The following TMEM236 variants were observed in gnomAD, a reference collection of about 807,000 sequenced individuals.
The protein encoded by TMEM236 is transmembrane protein 236.
In TMEM236, 11 loss-of-function variants were observed where a neutral mutation model predicts 14.7. That is an observed-to-expected ratio of 0.75 (90% CI 0.47 to 1.24). TMEM236 has a LOEUF of 1.24. Among genes scored for constraint, TMEM236 ranks in the 50% most tolerant of loss-of-function variants. The pLI is 0.00. For synonymous variants in TMEM236, 182 were observed against 168.6 expected (o/e 1.08, Z -0.62); for missense variants, 464 against 427.3 (o/e 1.09, Z -0.76).
At chr10:17,773,451 C>CCTCAG (rs1554834994) in intron 2 of TMEM236, among the ~76,000 whole-genome samples, 1 of 152,106 alleles carries the variant, frequency 6.6e-6, no homozygotes, top group South Asian at 2.1e-4. Flanking sequence ...GATTCTCCTG[C>CCTCAG]CTCAGGCTCC....
At chr10:17,770,941 T>A (rs1554834763) in intron 1 of TMEM236, among the ~76,000 whole-genome samples, 1 of 152,250 alleles carries the variant, frequency 6.6e-6, no homozygotes, top group Admixed American at 6.5e-5. Context: ...TGGGATATAA[T>A]ATAACTTGAA....
At chr10:17,791,291 TAAA>T (rs561313552) in intron 3 of TMEM236, among the ~76,000 whole-genome samples, 7 of 142,500 alleles carry the variant, frequency 4.9e-5, no homozygotes, top group East Asian at 2.1e-4. Flanking sequence ...CTATAAAAAG[TAAA>T]AAAAAAAAAA....
intron 3 of TMEM236, among the ~76,000 whole-genome samples, chr10:17,794,894 G>T (rs1284199117): frequency 1.3e-5 from 2 of 152,110 alleles, no homozygotes; most frequent in African/African-American, 4.8e-5. Context: ...CAGGCATGGT[G>T]GTGTGCACCT....
intron 2 of TMEM236, among the ~76,000 whole-genome samples, chr10:17,773,585 G>A (rs1837610222): frequency 6.6e-6 from 1 of 152,050 alleles, no homozygotes; most frequent in African/African-American, 2.4e-5. Flanking sequence ...TGATCCACCC[G>A]CCTCGGCCTC....
chr10:17,796,513 T>C lies in TMEM236; in HGVS notation c.*9T>C. The C allele has an allele frequency of 6.3e-7, 1 of 1,599,154 alleles. No individual in the cohort carries two copies. Among genetic ancestry groups the C allele is most frequent in the South Asian group, 1.1e-5 (1 of 90,770 alleles). On this transcript the variant is annotated 3_prime_UTR_variant, in exon 4 of 4. Coordinates refer to ENST00000377495, the MANE Select transcript of TMEM236 (RefSeq NM_001098844.3). ...AAATGTCTCCATTTTAAAAAGGAAA[T>C]GGGATCTAGTAAGGCCTCTTTGTGA... is the stretch of plus-strand genomic sequence containing the variant.
chr10:17,785,840 C>G (rs1348174112), intron 3 of TMEM236, among the ~76,000 whole-genome samples: 1 of 151,942 alleles, frequency 6.6e-6, no homozygotes, highest in Non-Finnish European at 1.5e-5. Context: ...TTCCTCTTCT[C>G]AAGAAGTAAG....
At chr10:17,787,734 C>G (rs923591715) in intron 3 of TMEM236, among the ~76,000 whole-genome samples, 1 of 152,218 alleles carries the variant, frequency 6.6e-6, no homozygotes, top group African/African-American at 2.4e-5. Context: ...TTTTGCGGAG[C>G]TCCTGGTCTA....
intron 1 of TMEM236, among the ~76,000 whole-genome samples, chr10:17,770,493 C>T (rs2131748394): frequency 6.6e-6 from 1 of 152,270 alleles, no homozygotes; most frequent in East Asian, 1.9e-4. Context: ...ACGCCGTTCT[C>T]CTGCCTCAGC....
intron 3 of TMEM236, among the ~76,000 whole-genome samples, chr10:17,789,667 G>C (rs1381542673): frequency 6.6e-6 from 1 of 151,568 alleles, no homozygotes; most frequent in African/African-American, 2.4e-5. Flanking sequence ...GATCGCTTGA[G>C]GCCAGGTGTT....
intron 3 of TMEM236, among the ~76,000 whole-genome samples, chr10:17,789,271 T>G (rs1837884316): frequency 2.6e-5 from 4 of 152,220 alleles, no homozygotes; most frequent in Admixed American, 6.5e-5. Context: ...CTCTAACTTG[T>G]GACCTCCCCT....
intron 2 of TMEM236, 95 bp from the exon 3 acceptor site, chr10:17,775,934 T>C: frequency 1.4e-6 from 2 of 1,467,502 alleles, no homozygotes; most frequent in South Asian, 1.2e-5. Context: ...TAAATGTAAT[T>C]ATAATTAATT....
intron 1 of TMEM236, among the ~76,000 whole-genome samples, chr10:17,767,456 T>G (rs559840880): frequency 1.9e-4 from 29 of 152,236 alleles, no homozygotes; most frequent in African/African-American, 6.7e-4. Context: ...TAAGACTCCA[T>G]CTCAAAAAAT....
intron 1 of TMEM236, among the ~76,000 whole-genome samples, chr10:17,762,586 T>C (rs1365030236): frequency 1.6e-5 from 1 of 64,042 alleles, no homozygotes. Context: ...TATATATATA[T>C]ATATATATAT....
chr10:17,778,638 G>A (rs2131755036), intron 3 of TMEM236, among the ~76,000 whole-genome samples: 1 of 152,244 alleles, frequency 6.6e-6, no homozygotes, highest in Admixed American at 6.5e-5. Context: ...TATGTTCTTT[G>A]CTCTTTCCAG....
Position 17,798,320 on chromosome 10 carries a change from C to T in TMEM236, c.*1816C>T, listed in dbSNP as rs1427591097. 2 of 321,532 alleles carry T rather than the reference C, an allele frequency of 6.2e-6. No homozygotes were observed. The highest frequency in any genetic ancestry group is 5.3e-5 in the South Asian group (2 of 37,974). The allele number at this position is 321,532 out of a possible 1,614,324, so 19.9% of individuals were successfully genotyped here. A position where few individuals can be genotyped will look rare whatever the true frequency, so the allele number is the denominator to read the frequency against. ...TTGGGAGGTTGAGGCAGGTAGATCA[C>T]TGGAGTCCAGGAGTCTGAGACCAGC... On this transcript the variant is annotated 3_prime_UTR_variant, in exon 4 of 4. Coordinates refer to ENST00000377495, the MANE Select transcript of TMEM236 (RefSeq NM_001098844.3).
intron 3 of TMEM236, among the ~76,000 whole-genome samples, chr10:17,791,964 C>T (rs1011244337): frequency 2.0e-5 from 3 of 152,178 alleles, no homozygotes; most frequent in Non-Finnish European, 4.4e-5. Context: ...TGGTACGGCA[C>T]TCTCATATTT....
At chr10:17,782,076 C>G (rs1303043396) in intron 3 of TMEM236, among the ~76,000 whole-genome samples, 1 of 151,962 alleles carries the variant, frequency 6.6e-6, no homozygotes, top group African/African-American at 2.4e-5. Flanking sequence ...AAAGTGAGCC[C>G]CCATCTAAGG....
At chr10:17,788,771 G>A (rs1837876829) in intron 3 of TMEM236, among the ~76,000 whole-genome samples, 2 of 152,092 alleles carry the variant, frequency 1.3e-5, no homozygotes, top group Non-Finnish European at 2.9e-5. Flanking sequence ...TAGGGTTTTT[G>A]AATTTACTGG....
Position 17,752,233 on chromosome 10 carries a change from T to C in TMEM236, c.-63T>C. 2.5e-6 allele frequency: 4 copies of C among 1,613,548 alleles called. No individual in the cohort carries two copies. Among genetic ancestry groups the C allele is most frequent in the Non-Finnish European group, 3.4e-6 (4 of 1,179,628 alleles). ...TTGATCCCAGTTCAGTGTCTGTGGG[T>C]CCATATGCTGCCCACAGTCAAAGAG... On this transcript the variant is annotated 5_prime_UTR_variant, in exon 1 of 4. Coordinates refer to ENST00000377495, the MANE Select transcript of TMEM236 (RefSeq NM_001098844.3).
Sources: gnomAD v4.1 joint callset for allele counts (sites outside exome capture counted in the v4.1 genomes callset) on GRCh38, gnomAD v4.1.1 for gene constraint, MANE v1.5 for transcripts, NCBI Gene and HGNC (gene_info 2026-07-23, HGNC 2026-07-21) for gene names.